The following FDCSP variants were observed in gnomAD, a reference collection of about 807,000 sequenced individuals.
The protein encoded by FDCSP is follicular dendritic cell secreted peptide.
Under a neutral mutation model 8.9 loss-of-function variants are expected in FDCSP, and 8 were observed. The ratio of observed to expected loss-of-function variants is 0.90; its 90% CI spans 0.53 to 1.63. The LOEUF (loss-of-function observed/expected upper bound fraction) is 1.63. Ranked by LOEUF, FDCSP falls within the 40% of genes most tolerant of loss-of-function variation. The pLI, the probability that FDCSP is intolerant of heterozygous loss-of-function variation, is 0.00. For synonymous variants in FDCSP, 34 were observed against 34.5 expected, an observed-to-expected ratio of 0.98 and a Z score of 0.06; for missense variants, 101 against 103.6, an observed-to-expected ratio of 0.98 and a Z score of 0.11.
rs913972002 is a variant in FDCSP at position 70,234,306 on chromosome 4, T to C, written c.*28+91T>C. 1.4e-4 allele frequency: 151 copies of C among 1,045,316 alleles called. 1 individual carries two copies. The highest frequency in any genetic ancestry group is 1.9e-4 in the Non-Finnish European group (140 of 735,502). 64.8% of individuals were successfully genotyped at this position (1,045,316 alleles called of 1,614,324 possible). ...GAAAAAAAAATGTTAACTATGTCCC[T>C]AGTTGGCCCCTTTCAGTTTCTGTTT... is the stretch of plus-strand genomic sequence containing the variant. On this transcript the variant is annotated intron_variant, in intron 4 of 4. Transcript: ENST00000317987.
Position 70,229,092 on chromosome 4 carries a change from G to A in FDCSP, c.1-2103G>A, listed in dbSNP as rs541240850. On this transcript the variant is annotated intron_variant, in intron 1 of 4. Transcript: ENST00000317987. ...TCTTTCTCCAAAATAAGACTGTTTC[G>A]TCCACAATAAAAATCTATTATTTAT... Among the ~76,000 whole-genome samples the A allele has an allele frequency of 7.9e-5, 12 of 151,704 alleles. No individual in the cohort carries two copies. The South Asian group carries it at 8.3e-4, about 10-fold the overall frequency.
chr4:70,233,172 G>C, intron 3 of FDCSP, 146 bp downstream of exon 3: 2 of 602,884 alleles, frequency 3.3e-6, no homozygotes, highest in Non-Finnish European at 5.6e-6. Context: ...CAGAGGTTTA[G>C]ACTTCAGGTA....
intron 1 of FDCSP, among the ~76,000 whole-genome samples, chr4:70,229,171 C>T (rs1670386791): frequency 6.6e-6 from 1 of 151,752 alleles, no homozygotes; most frequent in South Asian, 2.1e-4. Flanking sequence ...TATATCAACA[C>T]TTGCTGCTTT....
chr4:70,233,301 C>T (rs906654556), intron 3 of FDCSP, among the ~76,000 whole-genome samples: 1 of 151,614 alleles, frequency 6.6e-6, no homozygotes, highest in Admixed American at 6.6e-5. Context: ...CTAGATTTAT[C>T]TAGCCTAATA....
chr4:70,233,006 C>T lies in FDCSP; in HGVS notation c.70C>T (p.Gln24Ter), dbSNP rs1296552374. The T allele has an allele frequency of 1.3e-6, 2 of 1,591,038 alleles. No homozygotes were observed. The highest frequency in any genetic ancestry group is 1.2e-5 in the South Asian group (1 of 86,170). ...VAVGFPVSQD[Q>*]EREKRSISDS... ...ATTTGATCTTTAGGTCTCTCAAGACCAGGAACGAGAAAAAAGAAGTGTAAG... is the reference window on the plus strand; with the variant it reads ...ATTTGATCTTTAGGTCTCTCAAGACTAGGAACGAGAAAAAAGAAGTGTAAG... The change falls in exon 3 of 5, where the codon CAG (glutamine) becomes TAG (stop). Residue 24 changes from glutamine to a stop codon, truncating the protein, a stop_gained. Coordinates refer to ENST00000317987, the MANE Select transcript of FDCSP (RefSeq NM_152997.4). LOFTEE classifies it high-confidence loss of function.
Position 70,231,072 on chromosome 4 carries a change from C to G in FDCSP, c.1-123C>G, listed in dbSNP as rs191522926. 4.3e-4 allele frequency: 296 copies of G among 681,036 alleles called. 1 individual carries two copies. The African/African-American group carries it at 5.0e-3, about 11-fold the overall frequency. The allele number at this position is 681,036 out of a possible 1,614,324, so 42.2% of individuals were successfully genotyped here. The stretch of plus-strand genomic sequence containing the variant: ...AAGTGACTTGCTCAAACTCAAAGAG[C>G]TATTTGTCAAATAATTCGTACTTTA... On this transcript the variant is annotated intron_variant, in intron 1 of 4. Coordinates refer to ENST00000317987, the MANE Select transcript of FDCSP (RefSeq NM_152997.4).
chr4:70,233,997 C>G, intron 3 of FDCSP, 23 bp from the exon 4 acceptor site: 2 of 1,574,764 alleles, frequency 1.3e-6, no homozygotes, highest in Non-Finnish European at 1.7e-6. Flanking sequence ...GAAATAAACC[C>G]TTTAACTTCT....
intron 1 of FDCSP, 90 bp from the exon 2 acceptor site, chr4:70,231,105 C>A: frequency 9.8e-7 from 1 of 1,023,918 alleles, no homozygotes; most frequent in Non-Finnish European, 1.4e-6. Flanking sequence ...TTAACTGGAT[C>A]TTTTAAATTC....
At position 70,234,218 on chromosome 4, in the gene FDCSP, A is replaced by G; in HGVS notation, c.*28+3A>G. ...AAGGAAAAGTCACGATAAACCTGGT[A>G]AGTACACATAGTTACAATCATAGTT... On this transcript the variant is annotated splice_donor_region_variant and intron_variant, in intron 4 of 4. Transcript: ENST00000317987. 6.3e-7 allele frequency: 1 copy of G among 1,587,574 alleles called. No individual in the cohort carries two copies. The highest frequency in any genetic ancestry group is 8.6e-7 in the Non-Finnish European group (1 of 1,164,016).
At chr4:70,231,974 G>T (rs990371344) in intron 2 of FDCSP, among the ~76,000 whole-genome samples, 3 of 151,672 alleles carry the variant, frequency 2.0e-5, no homozygotes, top group Non-Finnish European at 2.9e-5. Flanking sequence ...AAAAGAAAAA[G>T]CATATAGAAT....
At chr4:70,227,706 G>C (rs1336188428) in intron 1 of FDCSP, among the ~76,000 whole-genome samples, 3 of 151,570 alleles carry the variant, frequency 2.0e-5, no homozygotes, top group African/African-American at 7.3e-5. Flanking sequence ...TTCAGTTCTT[G>C]ACCACCACCA....
chr4:70,227,527 AATG>A (rs1730007692), intron 1 of FDCSP, among the ~76,000 whole-genome samples: 2 of 151,436 alleles, frequency 1.3e-5, no homozygotes, highest in African/African-American at 2.4e-5. Context: ...TCAAAATGAT[AATG>A]ATATTAAAAA....
intron 1 of FDCSP, among the ~76,000 whole-genome samples, chr4:70,230,235 T>TGCATTCACACCATGACAAA (rs1730056523): frequency 6.6e-6 from 1 of 151,688 alleles, no homozygotes; most frequent in Non-Finnish European, 1.5e-5. Flanking sequence ...TAGCACATAC[T>TGCATTCACACCATGACAAA]GCATTCACAC....
chr4:70,230,186 C>A (rs1376234964), intron 1 of FDCSP, among the ~76,000 whole-genome samples: 1 of 151,604 alleles, frequency 6.6e-6, no homozygotes, highest in Non-Finnish European at 1.5e-5. Context: ...TCTCCATTTT[C>A]AACTTGATTG....
At chr4:70,231,326 C>A (rs966353017) in intron 2 of FDCSP, 75 bp downstream of exon 2, 67 of 1,203,284 alleles carry the variant, frequency 5.6e-5, no homozygotes, top group Non-Finnish European at 7.5e-5. Flanking sequence ...CCAGGAACCA[C>A]ATACACAAGG....
chr4:70,230,001 T>C (rs1459387044), intron 1 of FDCSP, among the ~76,000 whole-genome samples: 1 of 151,578 alleles, frequency 6.6e-6, no homozygotes, highest in Non-Finnish European at 1.5e-5. Context: ...TTGCCACAAA[T>C]TGCCACTCAA....
chr4:70,231,323 C>G (rs1407815154), intron 2 of FDCSP, 72 bp downstream of exon 2: 17 of 1,231,108 alleles, frequency 1.4e-5, no homozygotes, highest in Admixed American at 2.0e-5. Context: ...CAACCAGGAA[C>G]CACATACACA....
rs151208416 is a variant in FDCSP at position 70,230,564 on chromosome 4, T to C, written c.1-631T>C. 5.3e-3 allele frequency among the ~76,000 whole-genome samples: 804 copies of C among 151,798 alleles called. 4 individuals carry two copies. The highest frequency in any genetic ancestry group is 0.012 in the African/African-American group (487 of 41,490). On this transcript the variant is annotated intron_variant, in intron 1 of 4. Coordinates refer to ENST00000317987, the MANE Select transcript of FDCSP (RefSeq NM_152997.4). ...AAGTCCTTTATCATTTATTAAATAA[T>C]AAAACTTGAAAGTCAAAATTACTCT...
intron 1 of FDCSP, 144 bp from the exon 2 acceptor site, chr4:70,231,051 G>A (rs972265028): frequency 3.4e-6 from 2 of 585,740 alleles, no homozygotes; most frequent in East Asian, 6.3e-5. Flanking sequence ...GATTGTAAGT[G>A]ACTTGCTCAA....
Sources: allele counts gnomAD v4.1 joint callset (sites outside exome capture counted in the v4.1 genomes callset), GRCh38; gene constraint gnomAD v4.1.1; transcripts MANE v1.5; gene names NCBI Gene and HGNC (gene_info 2026-07-23, HGNC 2026-07-21).